Variants in MEIS2 observed in about 807,000 individuals in gnomAD.
MEIS2 encodes homeobox protein Meis2.
In MEIS2, 9 loss-of-function variants were observed where a neutral mutation model predicts 58.6. That is an observed-to-expected ratio of 0.15 (90% CI 0.09 to 0.27). The LOEUF (loss-of-function observed/expected upper bound fraction) is 0.27. Ranked by LOEUF, MEIS2 falls within the 10% of genes least tolerant of loss-of-function variation. The probability of loss-of-function intolerance (pLI) is 1.00; values close to 1 mark genes in which losing one functional copy is unlikely to be tolerated. For synonymous variants in MEIS2, 221 were observed against 228.4 expected (o/e 0.97, Z 0.29); for missense variants, 427 against 635.0 (o/e 0.67, Z 3.52).
intron 6 of MEIS2, among the ~76,000 whole-genome samples, chr15:37,085,681 T>C (rs1892798032): frequency 6.6e-6 from 1 of 152,146 alleles, no homozygotes; most frequent in Non-Finnish European, 1.5e-5. Flanking sequence ...GGCACAGGTA[T>C]AGATCTCTAA....
chr15:37,038,760 T>C (rs1285563947), intron 7 of MEIS2, among the ~76,000 whole-genome samples: 1 of 152,066 alleles, frequency 6.6e-6, no homozygotes, highest in Non-Finnish European at 1.5e-5. Context: ...TAATATACAG[T>C]CTAGTTTTCA....
At chr15:37,082,070 CCAGT>C (rs760510259) in intron 7 of MEIS2, among the ~76,000 whole-genome samples, 43 of 152,202 alleles carry the variant, frequency 2.8e-4, no homozygotes, top group Middle Eastern at 6.8e-3. Flanking sequence ...CCCAACAGAA[CCAGT>C]CAGTTTTAAA....
chr15:37,006,205 T>A (rs1181502142), intron 8 of MEIS2, among the ~76,000 whole-genome samples: 1 of 152,224 alleles, frequency 6.6e-6, no homozygotes, highest in Non-Finnish European at 1.5e-5. Context: ...CTTTTGATAG[T>A]GATTCAGCAT....
chr15:37,017,003 C>T (rs1177297296), intron 8 of MEIS2, among the ~76,000 whole-genome samples: 1 of 152,218 alleles, frequency 6.6e-6, no homozygotes, highest in Non-Finnish European at 1.5e-5. Context: ...CAAAACACAT[C>T]TGCTGTGAAG....
intron 9 of MEIS2, 22 bp downstream of exon 9, chr15:36,950,302 C>T (rs1403975238): frequency 8.2e-6 from 13 of 1,578,654 alleles, no homozygotes; most frequent in Non-Finnish European, 1.1e-5. Context: ...GGGAGAAAGA[C>T]ATTGATTTTT....
intron 9 of MEIS2, among the ~76,000 whole-genome samples, chr15:36,912,317 C>A (rs1423163711): frequency 6.6e-6 from 1 of 152,164 alleles, no homozygotes; most frequent in Non-Finnish European, 1.5e-5. Context: ...TATCTCTTAT[C>A]TACTCCCCTT....
chr15:37,091,408 A>G (rs1031584457), intron 6 of MEIS2, among the ~76,000 whole-genome samples: 1 of 152,158 alleles, frequency 6.6e-6, no homozygotes, highest in Non-Finnish European at 1.5e-5. Flanking sequence ...CAGGGGGCTA[A>G]AGTAAAAATG....
intron 9 of MEIS2, among the ~76,000 whole-genome samples, chr15:36,906,173 C>T (rs911225249): frequency 7.2e-5 from 11 of 152,164 alleles, no homozygotes; most frequent in Non-Finnish European, 1.0e-4. Context: ...ATGATTAACA[C>T]GCAATCTGGT....
At chr15:36,902,261 A>G (rs915298143) in intron 9 of MEIS2, among the ~76,000 whole-genome samples, 1 of 152,240 alleles carries the variant, frequency 6.6e-6, no homozygotes, top group Non-Finnish European at 1.5e-5. Context: ...AAACAAATCT[A>G]TGCTGGATTG....
chr15:37,038,326 T>G (rs958065258), intron 7 of MEIS2, among the ~76,000 whole-genome samples: 1 of 152,244 alleles, frequency 6.6e-6, no homozygotes. Flanking sequence ...ACAGCCATCC[T>G]GCCCACTGGG....
intron 8 of MEIS2, among the ~76,000 whole-genome samples, chr15:36,965,990 T>C (rs1595827147): frequency 1.3e-5 from 2 of 152,258 alleles, no homozygotes; most frequent in Non-Finnish European, 2.9e-5. Flanking sequence ...GAATAATATA[T>C]GCTCAAATCT....
chr15:37,014,845 GTT>G (rs35727022), intron 8 of MEIS2, among the ~76,000 whole-genome samples: 221 of 139,926 alleles, frequency 1.6e-3, no homozygotes, highest in Non-Finnish European at 1.8e-3. Flanking sequence ...AGGTCTAAGG[GTT>G]TTTTTTTTTT....
At chr15:37,043,680 CTTTTTTTTTTT>C (rs35502089) in intron 7 of MEIS2, among the ~76,000 whole-genome samples, 1 of 112,930 alleles carries the variant, frequency 8.9e-6, no homozygotes, top group African/African-American at 3.8e-5. Context: ...CCGTCCCCTC[CTTTTTTTTTTT>C]TTTTTTTTTT....
At chr15:36,996,001 A>ATATATATGTGTG (rs1555446465) in intron 8 of MEIS2, among the ~76,000 whole-genome samples, 4 of 102,876 alleles carry the variant, frequency 3.9e-5, no homozygotes, top group African/African-American at 1.3e-4. Flanking sequence ...ATATATATAT[A>ATATATATGTGTG]TGTATATATA....
rs1894943660 is a variant in MEIS2, at chr15:37,100,296, GCGCTCGCTCTCTCT to G, written c.-844_-831del. 2.7e-5 allele frequency: 4 copies of G among 150,368 alleles called. No homozygotes were observed. Among genetic ancestry groups the G allele is most frequent in the Admixed American group, 1.3e-4 (2 of 15,016 alleles). The allele number at this position is 150,368 out of a possible 1,614,324, so 9.3% of individuals were successfully genotyped here. A position where few individuals can be genotyped will look rare whatever the true frequency, so the allele number is the denominator to read the frequency against. On this transcript the variant is annotated 5_prime_UTR_variant, in exon 1 of 12. Transcript: ENST00000561208. ...CGCTCTCACTCGCGCTCGCTCTCTCGCGCTCGCTCTCTCTCGCTCTCTTTCTCTCTCTGGGAGAT... is the reference window on the plus strand; with the variant it reads ...CGCTCTCACTCGCGCTCGCTCTCTCGCGCTCTCTTTCTCTCTCTGGGAGAT...
At chr15:37,024,913 C>T (rs1231257069) in intron 8 of MEIS2, among the ~76,000 whole-genome samples, 2 of 152,224 alleles carry the variant, frequency 1.3e-5, no homozygotes, top group Non-Finnish European at 2.9e-5. Context: ...TGTAATAACA[C>T]AAGTGACAAT....
chr15:37,099,329 A>T, intron 1 of MEIS2, 126 bp downstream of exon 1: 2 of 1,559,896 alleles, frequency 1.3e-6, no homozygotes, highest in Non-Finnish European at 8.7e-7. Flanking sequence ...GCTATTTTTT[A>T]AAATACTGGC....
chr15:36,995,911 G>T (rs2060477271), intron 8 of MEIS2, among the ~76,000 whole-genome samples: 1 of 140,800 alleles, frequency 7.1e-6, no homozygotes, highest in Non-Finnish European at 1.5e-5. Flanking sequence ...TCTGAAGTTA[G>T]GTTTCTCAGA....
chr15:36,970,434 G>A (rs1304582329), intron 8 of MEIS2, among the ~76,000 whole-genome samples: 1 of 151,482 alleles, frequency 6.6e-6, no homozygotes, highest in Non-Finnish European at 1.5e-5. Context: ...ACATTTGTGT[G>A]TGTGTGTCTC....
Sources: allele counts gnomAD v4.1 joint callset (sites outside exome capture counted in the v4.1 genomes callset), GRCh38; gene constraint gnomAD v4.1.1; transcripts MANE v1.5; gene names NCBI Gene and HGNC (gene_info 2026-07-23, HGNC 2026-07-21).